The following TTLL13 variants were observed in gnomAD, a reference collection of about 807,000 sequenced individuals.
TTLL13 encodes the protein tubulin polyglutamylase TTLL13.
the TTLL13 span, among the ~76,000 whole-genome samples, chr15:90,252,755 C>T: frequency 6.6e-6 from 1 of 152,120 alleles, no homozygotes; most frequent in African/African-American, 2.4e-5. Flanking sequence ...GTAATCCCAA[C>T]ACTTTGGGAG....
chr15:90,265,091 C>T, the TTLL13 span: 1 of 1,322,060 alleles, frequency 7.6e-7, no homozygotes, highest in South Asian at 1.5e-5. Flanking sequence ...CCAGGAACCC[C>T]ATTTGTATAA....
the TTLL13 span, chr15:90,258,821 AC>A: frequency 6.2e-7 from 1 of 1,614,122 alleles, no homozygotes. Context: ...TGATGCTATG[AC>A]CCTTGTCAAC....
the TTLL13 span, chr15:90,265,015 T>G: frequency 3.3e-4 from 492 of 1,494,750 alleles, 2 homozygotes; most frequent in African/African-American, 6.3e-3. Flanking sequence ...TCCCCAGGTT[T>G]CCAAAGGGCA....
chr15:90,263,996 C>T, the TTLL13 span: 2 of 1,536,014 alleles, frequency 1.3e-6, no homozygotes, highest in Non-Finnish European at 1.7e-6. Context: ...AACTCCTGTT[C>T]ATTGTCAATG....
At chr15:90,257,119 T>C in the TTLL13 span, 1 of 1,608,544 alleles carries the variant, frequency 6.2e-7, no homozygotes, top group African/African-American at 1.3e-5. Flanking sequence ...TATTCCCTCA[T>C]GGGTTTGCAT....
At chr15:90,256,603 TTC>T in the TTLL13 span, among the ~76,000 whole-genome samples, 1 of 29,906 alleles carries the variant, frequency 3.3e-5, no homozygotes, top group Admixed American at 4.5e-4. Flanking sequence ...CTTTCTTTCT[TTC>T]TTTCCTTCCT....
the TTLL13 span, chr15:90,255,845 G>C: frequency 6.2e-7 from 1 of 1,614,178 alleles, no homozygotes; most frequent in South Asian, 1.1e-5. Context: ...CTATCCCTCT[G>C]AGTACAACAT....
At chr15:90,262,881 T>G in the TTLL13 span, 1 of 1,390,840 alleles carries the variant, frequency 7.2e-7, no homozygotes, top group Non-Finnish European at 9.6e-7. Context: ...GAGGGTAGAG[T>G]GGGCAGGAGG....
the TTLL13 span, among the ~76,000 whole-genome samples, chr15:90,256,752 G>T: frequency 6.6e-6 from 1 of 151,326 alleles, no homozygotes; most frequent in African/African-American, 2.4e-5. Flanking sequence ...GCAGCGGCAC[G>T]ATCTCAGCTC....
At chr15:90,250,846 C>G in the TTLL13 span, 1 of 1,614,108 alleles carries the variant, frequency 6.2e-7, no homozygotes, top group Non-Finnish European at 8.5e-7. Context: ...TTGACACAGG[C>G]GACTTAGAAG....
chr15:90,261,241 G>A, the TTLL13 span, among the ~76,000 whole-genome samples: 70 of 151,634 alleles, frequency 4.6e-4, no homozygotes, highest in African/African-American at 1.6e-3. Flanking sequence ...ACCAAGCCCA[G>A]ATAATTTTTG....
At chr15:90,253,742 A>G in the TTLL13 span, among the ~76,000 whole-genome samples, 1 of 152,212 alleles carries the variant, frequency 6.6e-6, no homozygotes, top group Non-Finnish European at 1.5e-5. Flanking sequence ...TTAGTTTAGC[A>G]TTCCACATCC....
the TTLL13 span, chr15:90,262,888 G>A: frequency 1.4e-6 from 2 of 1,434,278 alleles, no homozygotes; most frequent in South Asian, 1.4e-5. Context: ...GAGTGGGCAG[G>A]AGGCCTGTAG....
the TTLL13 span, chr15:90,250,699 G>T: frequency 6.2e-7 from 1 of 1,614,160 alleles, no homozygotes; most frequent in Non-Finnish European, 8.5e-7. Flanking sequence ...AATCTGAGAA[G>T]TGTGTTAAAG....
chr15:90,254,786 C>T, the TTLL13 span, among the ~76,000 whole-genome samples: 1 of 152,048 alleles, frequency 6.6e-6, no homozygotes, highest in Admixed American at 6.6e-5. Context: ...GCAGAGGCCG[C>T]AGTGAGCTGA....
the TTLL13 span, chr15:90,250,685 A>C: frequency 6.2e-7 from 1 of 1,614,156 alleles, no homozygotes; most frequent in Non-Finnish European, 8.5e-7. Flanking sequence ...TGTTGAGGAA[A>C]AGGAATCTGA....
chr15:90,250,666 G>A, the TTLL13 span: 4 of 1,614,070 alleles, frequency 2.5e-6, no homozygotes, highest in Non-Finnish European at 3.4e-6. Flanking sequence ...TGGAATCAGA[G>A]GAAGACTATG....
At chr15:90,251,112 G>GTTTTTTTTT in the TTLL13 span, among the ~76,000 whole-genome samples, 14 of 97,144 alleles carry the variant, frequency 1.4e-4, no homozygotes, top group African/African-American at 2.1e-4. Flanking sequence ...ATCCTGGTCT[G>GTTTTTTTTT]TCTTTTTTTT....
At chr15:90,265,016 C>T in the TTLL13 span, 1 of 1,493,934 alleles carries the variant, frequency 6.7e-7, no homozygotes, top group East Asian at 2.5e-5. Context: ...CCCCAGGTTT[C>T]CAAAGGGCAT....
Sources: gnomAD v4.1 joint callset for allele counts (sites outside exome capture counted in the v4.1 genomes callset) on GRCh38, gnomAD v4.1.1 for gene constraint, MANE v1.5 for transcripts, NCBI Gene and HGNC (gene_info 2026-07-23, HGNC 2026-07-21) for gene names.